Variants in PTPRG observed in about 807,000 individuals in gnomAD.
PTPRG encodes protein tyrosine phosphatase receptor type G, also known as receptor-type tyrosine-protein phosphatase gamma.
In PTPRG, 102 loss-of-function variants were observed where a neutral mutation model predicts 165.3. The ratio of observed to expected loss-of-function variants is 0.62; its 90% CI spans 0.53 to 0.73. The LOEUF is 0.73. Ranked by LOEUF, PTPRG falls within the 30% of genes least tolerant of loss-of-function variation. PTPRG has a pLI of 0.00. For synonymous variants in PTPRG, 675 were observed against 669.5 expected, an observed-to-expected ratio of 1.01 and a Z score of -0.13; for missense variants, 1,866 against 1,861.4, an observed-to-expected ratio of 1.00 and a Z score of -0.05.
chr3:62,161,227 GTTGTTGTTGGTT>G (rs1329984893), intron 7 of PTPRG, among the ~76,000 whole-genome samples: 1 of 152,170 alleles, frequency 6.6e-6, no homozygotes, highest in Admixed American at 6.5e-5. Context: ...AGGCGTTGTT[GTTGTTGTTGGTT>G]TTGTTGTTGT....
intron 1 of PTPRG, among the ~76,000 whole-genome samples, chr3:61,614,969 C>G (rs539050639): frequency 6.6e-6 from 1 of 152,148 alleles, no homozygotes; most frequent in African/African-American, 2.4e-5. Context: ...AAGAACCTAC[C>G]GCTTCCAAAC....
chr3:62,020,507 TAAAG>T (rs977319251), intron 4 of PTPRG, among the ~76,000 whole-genome samples: 6 of 152,228 alleles, frequency 3.9e-5, no homozygotes, highest in African/African-American at 1.4e-4. Context: ...ATATGTGAGT[TAAAG>T]AAAGCGTGTG....
intron 5 of PTPRG, among the ~76,000 whole-genome samples, chr3:62,095,337 G>A (rs1420858055): frequency 6.6e-6 from 1 of 152,204 alleles, no homozygotes; most frequent in Non-Finnish European, 1.5e-5. Flanking sequence ...GTGAGGTGGT[G>A]TGGTTGCAGC....
intron 2 of PTPRG, among the ~76,000 whole-genome samples, chr3:61,880,339 A>G (rs183462555): frequency 1.4e-3 from 215 of 152,322 alleles, no homozygotes; most frequent in Non-Finnish European, 2.3e-3. Flanking sequence ...GCCGTGCACA[A>G]TGGCTCATGC....
intron 2 of PTPRG, among the ~76,000 whole-genome samples, chr3:61,855,795 T>G (rs1245111708): frequency 6.6e-6 from 1 of 152,028 alleles, no homozygotes; most frequent in Non-Finnish European, 1.5e-5. Flanking sequence ...GGTGTAAGCC[T>G]GAGGTAGTTG....
intron 1 of PTPRG, among the ~76,000 whole-genome samples, chr3:61,718,422 G>A (rs190301397): frequency 1.3e-5 from 2 of 151,960 alleles, no homozygotes; most frequent in Admixed American, 1.3e-4. Flanking sequence ...GAGAAGGTGT[G>A]GATCCACTTT....
At chr3:61,716,449 A>G (rs1056784576) in intron 1 of PTPRG, among the ~76,000 whole-genome samples, 2 of 152,194 alleles carry the variant, frequency 1.3e-5, no homozygotes, top group Non-Finnish European at 2.9e-5. Flanking sequence ...AGCATTTTGG[A>G]TTATTAATAT....
At chr3:61,730,380 G>A (rs149144797) in intron 1 of PTPRG, among the ~76,000 whole-genome samples, 1 of 152,158 alleles carries the variant, frequency 6.6e-6, no homozygotes, top group South Asian at 2.1e-4. Flanking sequence ...CAGGCTTTCT[G>A]CAAACACATC....
rs1474492320 is a variant in PTPRG, at chr3:62,203,520, G to A, written c.1725G>A (p.Glu575=). 1.3e-6 allele frequency: 2 copies of A among 1,556,906 alleles called. No individual in the cohort carries two copies. The highest frequency in any genetic ancestry group is 2.7e-5 in the African/African-American group (2 of 73,358). Residue 575 remains glutamate (E), a synonymous_variant, in exon 12 of 30, where the codon GAG becomes GAA. Coordinates refer to ENST00000474889, the MANE Select transcript of PTPRG (RefSeq NM_002841.4). The surrounding 1 kb of genome is among the most constrained non-coding windows in gnomAD (Gnocchi z 6.4). ...ATTCGTCACCAACCAAGGACGGCGA[G>A]GGCACCGAGGAAGGAGAGAAGGATG... ...DGDSSPTKDG[E]GTEEGEKDEK...
chr3:61,917,442 T>G (rs558969965), intron 2 of PTPRG, among the ~76,000 whole-genome samples: 33 of 152,176 alleles, frequency 2.2e-4, no homozygotes, highest in Non-Finnish European at 4.1e-4. Context: ...TCTTGCAGGT[T>G]CTTTGCGTGT....
intron 1 of PTPRG, among the ~76,000 whole-genome samples, chr3:61,593,024 T>C (rs1700611603): frequency 6.6e-6 from 1 of 152,206 alleles, no homozygotes; most frequent in African/African-American, 2.4e-5. Flanking sequence ...CAGGGTATCA[T>C]GCTCTGGTCA....
chr3:62,096,884 G>A (rs1243187973), intron 5 of PTPRG, among the ~76,000 whole-genome samples: 1 of 152,144 alleles, frequency 6.6e-6, no homozygotes, highest in Admixed American at 6.5e-5. Context: ...TTTATACTCA[G>A]TTATAATTTG....
intron 1 of PTPRG, among the ~76,000 whole-genome samples, chr3:61,647,791 C>CAAAAAAAAAAAAAAAAAAAA (rs58020589): frequency 3.2e-5 from 3 of 93,174 alleles, no homozygotes; most frequent in African/African-American, 1.3e-4. Flanking sequence ...GACTCCGTCT[C>CAAAAAAAAAAAAAAAAAAAA]AAAAAAAAAA....
intron 1 of PTPRG, among the ~76,000 whole-genome samples, chr3:61,725,132 T>G (rs2032204173): frequency 6.6e-6 from 1 of 152,088 alleles, no homozygotes; most frequent in South Asian, 2.1e-4. Flanking sequence ...ACAATCCATT[T>G]TGAGTTAATT....
chr3:62,022,112 G>A (rs1289816916), intron 4 of PTPRG, among the ~76,000 whole-genome samples: 1 of 152,068 alleles, frequency 6.6e-6, no homozygotes, highest in African/African-American at 2.4e-5. Context: ...CACAGCCAAG[G>A]CTGCTGTACG....
intron 1 of PTPRG, among the ~76,000 whole-genome samples, chr3:61,633,849 C>A (rs891313956): frequency 8.6e-5 from 13 of 150,824 alleles, no homozygotes; most frequent in Non-Finnish European, 1.8e-4. Flanking sequence ...TAATAGATAC[C>A]CTTTTTCAGG....
chr3:62,229,717 C>G lies in PTPRG; in HGVS notation c.2289-1508C>G, dbSNP rs1025303591. On this transcript the variant is annotated intron_variant, in intron 13 of 29. Transcript: ENST00000474889. This position sits in a 1 kb window ranked among gnomAD's most constrained non-coding sequence, Gnocchi z 4.6. ...ATTATGTCTGTTCTGCTGGTTTGCT[C>G]AGGTAGCCTCAAATATCTCAATTAT... is the stretch of plus-strand genomic sequence containing the variant. Among the ~76,000 whole-genome samples, 59 of 152,190 alleles carry G rather than the reference C, an allele frequency of 3.9e-4. No homozygotes were observed. Among genetic ancestry groups the G allele is most frequent in the Admixed American group, 3.2e-3 (49 of 15,280 alleles).
At chr3:62,197,164 C>T (rs1699985802) in intron 10 of PTPRG, among the ~76,000 whole-genome samples, 1 of 152,088 alleles carries the variant, frequency 6.6e-6, no homozygotes. Flanking sequence ...CCTGTAGTTT[C>T]CCAATCCAAA....
intron 1 of PTPRG, among the ~76,000 whole-genome samples, chr3:61,617,460 G>A (rs1559525985): frequency 6.6e-6 from 1 of 152,146 alleles, no homozygotes; most frequent in Non-Finnish European, 1.5e-5. Context: ...TTGCCTCCTT[G>A]TATGTAGGAA....
Sources: allele counts gnomAD v4.1 joint callset (sites outside exome capture counted in the v4.1 genomes callset), GRCh38; gene constraint gnomAD v4.1.1; non-coding constraint Gnocchi (gnomAD v3.1); transcripts MANE v1.5; gene names NCBI Gene and HGNC (gene_info 2026-07-23, HGNC 2026-07-21).